The following KDM5B variants were observed in gnomAD, a reference collection of about 807,000 sequenced individuals.
KDM5B encodes the protein lysine-specific demethylase 5B.
Under a neutral mutation model 193.4 loss-of-function variants are expected in KDM5B, and 144 were observed. The observed-to-expected ratio is 0.74, with a 90% CI of 0.65 to 0.86. The LOEUF is 0.86. KDM5B is among the 40% of genes least tolerant of loss of function. The pLI is 0.00. For synonymous variants in KDM5B, 668 were observed against 682.6 expected, an observed-to-expected ratio of 0.98 and a Z score of 0.33; for missense variants, 1,833 against 1,886.9, an observed-to-expected ratio of 0.97 and a Z score of 0.53.
At chr1:202,767,844 C>T (rs1235820541) in intron 4 of KDM5B, among the ~76,000 whole-genome samples, 2 of 152,038 alleles carry the variant, frequency 1.3e-5, no homozygotes, top group Non-Finnish European at 2.9e-5. Context: ...ATGGAAGGTC[C>T]ATATTGTTAG....
intron 1 of KDM5B, among the ~76,000 whole-genome samples, chr1:202,784,875 A>T (rs1038010781): frequency 2.0e-5 from 3 of 152,184 alleles, no homozygotes; most frequent in African/African-American, 7.2e-5. Flanking sequence ...CTCTACAAAA[A>T]ATACAAAAAT....
Position 202,755,695 on chromosome 1 carries a change from G to A in KDM5B, c.1357-243C>T, listed in dbSNP as rs920108568. ...TTTAAATATATATAGAGGAACATAA[G>A]CCATGAGTCCACTTTAACAAAGTTC... On this transcript the variant is annotated intron_variant, in intron 10 of 26. Coordinates refer to ENST00000367265, the MANE Select transcript of KDM5B (RefSeq NM_006618.5). Among the ~76,000 whole-genome samples the A allele has an allele frequency of 2.6e-5, 4 of 152,128 alleles. No homozygotes were observed. In the South Asian group the frequency reaches 8.3e-4, roughly 32 times the overall value.
intron 22 of KDM5B, among the ~76,000 whole-genome samples, chr1:202,734,913 A>G (rs1287224285): frequency 6.6e-6 from 1 of 152,200 alleles, no homozygotes; most frequent in Admixed American, 6.5e-5. Context: ...AGCATCACAT[A>G]GCTATCCCTT....
chr1:202,789,389 T>G (rs1572770955), intron 1 of KDM5B, among the ~76,000 whole-genome samples: 1 of 150,632 alleles, frequency 6.6e-6, no homozygotes, highest in East Asian at 2.0e-4. Context: ...GACGCGGTGG[T>G]GGGCGCCTAT....
At chr1:202,731,263 C>T (rs1231718841) in intron 24 of KDM5B, among the ~76,000 whole-genome samples, 200 bp from the exon 25 acceptor site, 1 of 152,212 alleles carries the variant, frequency 6.6e-6, no homozygotes, top group Non-Finnish European at 1.5e-5. Context: ...AACTAGATTT[C>T]CTAAGTCTTC....
At chr1:202,789,045 C>A (rs117809720) in intron 1 of KDM5B, among the ~76,000 whole-genome samples, 13 of 152,128 alleles carry the variant, frequency 8.5e-5, no homozygotes, top group Non-Finnish European at 1.5e-4. Flanking sequence ...AAACATCCCA[C>A]ACCCTAACTT....
chr1:202,763,880 G>A (rs971679771), intron 6 of KDM5B, among the ~76,000 whole-genome samples, 169 bp downstream of exon 6: 1 of 152,202 alleles, frequency 6.6e-6, no homozygotes, highest in African/African-American at 2.4e-5. Flanking sequence ...GGACACTGTT[G>A]ATATATTAAG....
rs373643428 is a variant in KDM5B at position 202,733,646 on chromosome 1, G to T, written c.3664C>A (p.Arg1222=). Residue 1222 remains arginine (R), a synonymous_variant, in exon 23 of 27, where the codon CGG becomes AGG. Transcript: ENST00000367265. ...TCTAATGGAGGTTTCTCTGACCTCC[G>T]ACAATGGGGACAAAGCCAGATTCGC... ...GLRIWLCPHC[R]RSEKPPLEKI... 7 of 1,613,990 alleles carry T rather than the reference G, an allele frequency of 4.3e-6. No individual in the cohort carries two copies. Among genetic ancestry groups the T allele is most frequent in the African/African-American group, 1.3e-5 (1 of 74,900 alleles).
chr1:202,800,442 G>A (rs1207428950), intron 1 of KDM5B, among the ~76,000 whole-genome samples: 1 of 152,152 alleles, frequency 6.6e-6, no homozygotes, highest in African/African-American at 2.4e-5. Context: ...CTGAGCTCAA[G>A]CCATCCTCCC....
chr1:202,760,905 G>A (rs1372700921), intron 7 of KDM5B, among the ~76,000 whole-genome samples: 2 of 152,102 alleles, frequency 1.3e-5, no homozygotes, highest in East Asian at 1.9e-4. Context: ...GCACGTGTCT[G>A]TAGTTCCAAC....
chr1:202,761,209 G>C (rs1656236985), intron 7 of KDM5B, among the ~76,000 whole-genome samples: 1 of 152,064 alleles, frequency 6.6e-6, no homozygotes, highest in Non-Finnish European at 1.5e-5. Flanking sequence ...TGGGGGCCCT[G>C]GCAGGACTGC....
At position 202,808,297 on chromosome 1, in the gene KDM5B, C is replaced by A; in HGVS notation, c.9G>T (p.Ala3=). The A allele has an allele frequency of 1.3e-6, 2 of 1,597,382 alleles. No individual in the cohort carries two copies. The highest frequency in any genetic ancestry group is 1.7e-6 in the Non-Finnish European group (2 of 1,173,168). The change falls in exon 1 of 27, where the codon GCG becomes GCT. Residue 3 remains alanine (A), a synonymous_variant. Transcript: ENST00000367265. ...GCGGGCCTGGGTGCAGTGTGGTGGC[C>A]GCCTCCATCACCGCAGGCTGGGCAA... ME[A]ATTLHPGPRP...
chr1:202,733,795 T>C lies in KDM5B; in HGVS notation c.3515A>G (p.Gln1172Arg), dbSNP rs1304283503. 1.9e-5 allele frequency: 30 copies of C among 1,614,132 alleles called. 2 individuals carry two copies. The Middle Eastern group carries it at 8.3e-4, about 44-fold the overall frequency. ...ANEGKLLSPL[Q>R]DVDIKICLCQ... Reference sequence around the variant, plus strand: ...TAGGCAGATTTTTATATCCACATCTTGGAGAGGCGACAGCAATTTCCCTTC... The same window carrying C: ...TAGGCAGATTTTTATATCCACATCTCGGAGAGGCGACAGCAATTTCCCTTC... Residue 1172 changes from glutamine (Q) to arginine (R), a missense_variant, in exon 23 of 27, where the codon CAA (glutamine) becomes CGA (arginine). This residue lies in a region of KDM5B where 1,379 missense variants were observed against 1,349.6 expected (regional missense o/e 1.02). Coordinates refer to ENST00000367265, the MANE Select transcript of KDM5B (RefSeq NM_006618.5).
chr1:202,759,853 G>A (rs1656174745), intron 8 of KDM5B, among the ~76,000 whole-genome samples: 1 of 152,110 alleles, frequency 6.6e-6, no homozygotes, highest in Admixed American at 6.5e-5. Context: ...AGCATGTGAT[G>A]CTTTTTATAA....
In KDM5B at chr1:202,745,855, T is replaced by A; in HGVS notation, c.2323+3A>T. The A allele has an allele frequency of 6.2e-7, 1 of 1,613,922 alleles. No homozygotes were observed. Among genetic ancestry groups the A allele is most frequent in the Non-Finnish European group, 8.5e-7 (1 of 1,179,848 alleles). ...TCACCAAGTCACTTTCTGTATCACA[T>A]ACTTTTCTTCTTGTTGATCTTTGCC... On this transcript the variant is annotated splice_donor_region_variant and intron_variant, in intron 16 of 26. Transcript: ENST00000367265.
In KDM5B at chr1:202,746,200, C is replaced by A. The variant is rs548834584; in HGVS notation, c.2140G>T (p.Val714Phe). The A allele has an allele frequency of 1.2e-6, 2 of 1,613,786 alleles. No homozygotes were observed. The highest frequency in any genetic ancestry group is 4.5e-5 in the East Asian group (2 of 44,852). Residue 714 changes from valine (V) to phenylalanine (F), a missense_variant, in exon 15 of 27, where the codon GTT becomes TTT. This residue lies in a region of KDM5B where 1,379 missense variants were observed against 1,349.6 expected (regional missense o/e 1.02). Transcript: ENST00000367265. ...AATTCTTTTACATGATGCAGGCAAA[C>A]AAGAAGGCCAGGTTTACAAGAACAG... ...ISCSCKPGLL[V>F]CLHHVKELCS...
At chr1:202,756,314 A>T (rs1392667091) in intron 10 of KDM5B, 44 bp downstream of exon 10, 2 of 1,503,282 alleles carry the variant, frequency 1.3e-6, no homozygotes, top group Non-Finnish European at 1.8e-6. Flanking sequence ...AACCAAACAG[A>T]ATTTCAATAA....
intron 20 of KDM5B, among the ~76,000 whole-genome samples, chr1:202,740,038 C>A (rs1241493427): frequency 6.6e-6 from 1 of 152,190 alleles, no homozygotes; most frequent in Non-Finnish European, 1.5e-5. Flanking sequence ...TCCTCACATC[C>A]CAGTAGGGGC....
At chr1:202,803,332 T>C (rs1658152131) in intron 1 of KDM5B, among the ~76,000 whole-genome samples, 1 of 152,154 alleles carries the variant, frequency 6.6e-6, no homozygotes, top group African/African-American at 2.4e-5. Flanking sequence ...ACTCAAATCT[T>C]TAGCTGACTC....
Sources: allele counts gnomAD v4.1 joint callset (sites outside exome capture counted in the v4.1 genomes callset), GRCh38; gene constraint gnomAD v4.1.1; regional missense constraint gnomAD v4.1.1; transcripts MANE v1.5; gene names NCBI Gene and HGNC (gene_info 2026-07-23, HGNC 2026-07-21).